Variants in FHIT observed in about 807,000 individuals in gnomAD.
FHIT encodes bis(5'-adenosyl)-triphosphatase.
FHIT carries 19 observed loss-of-function variants against 17.9 expected under a neutral mutation model. That is an observed-to-expected ratio of 1.06 (90% CI 0.74 to 1.56). The LOEUF (loss-of-function observed/expected upper bound fraction) is 1.56, where lower values mean the gene tolerates loss of function less well. FHIT is among the 40% of genes most tolerant of loss of function. FHIT has a pLI of 0.00. For synonymous variants in FHIT, 81 were observed against 69.7 expected (o/e 1.16, Z -0.81); for missense variants, 248 against 189.2 (o/e 1.31, Z -1.82).
chr3:60,082,383 C>T (rs894751177), intron 5 of FHIT, among the ~76,000 whole-genome samples: 3 of 152,072 alleles, frequency 2.0e-5, no homozygotes, highest in Non-Finnish European at 2.9e-5. Flanking sequence ...CATTGATGGG[C>T]ACCTAAGTTG....
chr3:60,702,671 A>G (rs1376554263), intron 4 of FHIT, among the ~76,000 whole-genome samples: 1 of 152,116 alleles, frequency 6.6e-6, no homozygotes, highest in Non-Finnish European at 1.5e-5. Flanking sequence ...ATCATATCAC[A>G]TGACAGTGAA....
intron 2 of FHIT, among the ~76,000 whole-genome samples, chr3:61,148,981 A>G (rs1287281924): frequency 6.6e-6 from 1 of 152,252 alleles, no homozygotes; most frequent in Non-Finnish European, 1.5e-5. Flanking sequence ...AAAGATTCTC[A>G]AAGGCATAAA....
chr3:60,779,132 G>A (rs1553725144), intron 4 of FHIT, among the ~76,000 whole-genome samples: 1 of 152,186 alleles, frequency 6.6e-6, no homozygotes, highest in Non-Finnish European at 1.5e-5. Context: ...TGCACTTTAT[G>A]CAAATAATCA....
At chr3:60,189,244 G>A (rs183755965) in intron 5 of FHIT, among the ~76,000 whole-genome samples, 1 of 151,862 alleles carries the variant, frequency 6.6e-6, no homozygotes, top group East Asian at 1.9e-4. Flanking sequence ...TGGGGGTGGG[G>A]GGGAAAGAGG....
chr3:59,872,885 G>T (rs1470920551), intron 8 of FHIT, among the ~76,000 whole-genome samples: 5 of 152,148 alleles, frequency 3.3e-5, no homozygotes, highest in Non-Finnish European at 7.3e-5. Context: ...AGCACATCAG[G>T]CTCAGTAGGT....
At chr3:60,176,113 G>T (rs1370922791) in intron 5 of FHIT, among the ~76,000 whole-genome samples, 1 of 152,204 alleles carries the variant, frequency 6.6e-6, no homozygotes, top group East Asian at 1.9e-4. Flanking sequence ...AGCACTTTGG[G>T]AGGCCAAGGA....
intron 3 of FHIT, among the ~76,000 whole-genome samples, chr3:60,891,119 A>T (rs1705498254): frequency 6.6e-6 from 1 of 152,076 alleles, no homozygotes; most frequent in Admixed American, 6.5e-5. Flanking sequence ...GTCCTAGAAG[A>T]CCTTCCTAGA....
intron 3 of FHIT, among the ~76,000 whole-genome samples, chr3:60,854,642 C>T (rs967764476): frequency 1.3e-5 from 2 of 150,708 alleles, no homozygotes; most frequent in Non-Finnish European, 2.9e-5. Flanking sequence ...AAGTTTGACA[C>T]ATTCTCCCTA....
At chr3:59,863,056 T>C (rs1334193694) in intron 8 of FHIT, among the ~76,000 whole-genome samples, 1 of 152,144 alleles carries the variant, frequency 6.6e-6, no homozygotes, top group Non-Finnish European at 1.5e-5. Flanking sequence ...GGACAATGTG[T>C]AGAGGAATAG....
chr3:60,297,667 A>G (rs1708273958), intron 5 of FHIT, among the ~76,000 whole-genome samples: 2 of 152,084 alleles, frequency 1.3e-5, no homozygotes, highest in African/African-American at 4.8e-5. Flanking sequence ...ATCAATAATG[A>G]AAGTATTAAA....
intron 5 of FHIT, among the ~76,000 whole-genome samples, chr3:60,169,787 C>T (rs987655193): frequency 5.9e-5 from 9 of 152,064 alleles, no homozygotes; most frequent in East Asian, 1.9e-4. Context: ...CTTGGATCTC[C>T]GAGGCCACCC....
At chr3:61,020,063 C>T (rs73104258) in intron 3 of FHIT, among the ~76,000 whole-genome samples, 2,285 of 152,152 alleles carry the variant, frequency 0.015, 25 homozygotes, top group Non-Finnish European at 0.021. Context: ...AGTAATGGGA[C>T]GGCTGGGTCA....
chr3:60,305,336 C>G (rs958782122), intron 5 of FHIT, among the ~76,000 whole-genome samples: 4 of 152,042 alleles, frequency 2.6e-5, no homozygotes, highest in Non-Finnish European at 5.9e-5. Context: ...GTAGTGGGGA[C>G]AAATCATAAA....
intron 8 of FHIT, among the ~76,000 whole-genome samples, chr3:59,892,272 T>A (rs984693620): frequency 6.6e-6 from 1 of 152,204 alleles, no homozygotes; most frequent in African/African-American, 2.4e-5. Context: ...CAAATTGCGC[T>A]CAGGAGTCCA....
intron 7 of FHIT, among the ~76,000 whole-genome samples, chr3:59,941,734 A>G (rs933427384): frequency 6.6e-6 from 1 of 152,154 alleles, no homozygotes; most frequent in Non-Finnish European, 1.5e-5. Flanking sequence ...AAGGGCGTCA[A>G]GGGACCCAGG....
At chr3:60,452,046 G>A in intron 5 of FHIT, among the ~76,000 whole-genome samples, 1 of 152,168 alleles carries the variant, frequency 6.6e-6, no homozygotes, top group South Asian at 2.1e-4. Context: ...TTCCCTCTGA[G>A]CAAATAAACA....
intron 4 of FHIT, among the ~76,000 whole-genome samples, chr3:60,621,533 C>G (rs1421689580): frequency 6.6e-6 from 1 of 151,786 alleles, no homozygotes; most frequent in African/African-American, 2.4e-5. Context: ...AAATATCATT[C>G]TGAAATTTGG....
At chr3:61,019,450 T>A (rs2032289518) in intron 3 of FHIT, among the ~76,000 whole-genome samples, 1 of 152,206 alleles carries the variant, frequency 6.6e-6, no homozygotes, top group Non-Finnish European at 1.5e-5. Flanking sequence ...TAATAAGTTT[T>A]GAAAATAAGC....
chr3:60,084,047 C>CT (rs1703398761), intron 5 of FHIT, among the ~76,000 whole-genome samples: 1 of 152,092 alleles, frequency 6.6e-6, no homozygotes, highest in African/African-American at 2.4e-5. Flanking sequence ...AAAAATCACA[C>CT]TTTTTATAGC....
Sources: allele counts gnomAD v4.1 joint callset (sites outside exome capture counted in the v4.1 genomes callset), GRCh38; gene constraint gnomAD v4.1.1; transcripts MANE v1.5; gene names NCBI Gene and HGNC (gene_info 2026-07-23, HGNC 2026-07-21).